Variants in RNF43 observed in about 807,000 individuals in gnomAD.
The protein encoded by RNF43 is E3 ubiquitin-protein ligase RNF43.
Under a neutral mutation model 78.4 loss-of-function variants are expected in RNF43, and 37 were observed. The observed-to-expected ratio is 0.47, with a 90% CI of 0.36 to 0.62. RNF43 has a LOEUF of 0.62. RNF43 is among the 20% of genes least tolerant of loss of function. The pLI, the probability that RNF43 is intolerant of heterozygous loss-of-function variation, is 0.00. For synonymous variants in RNF43, 347 were observed against 395.0 expected, an observed-to-expected ratio of 0.88 and a Z score of 1.44; for missense variants, 774 against 1,007.9, an observed-to-expected ratio of 0.77 and a Z score of 3.14.
chr17:58,390,906 T>C (rs1420900730), intron 2 of RNF43, among the ~76,000 whole-genome samples: 1 of 152,246 alleles, frequency 6.6e-6, no homozygotes, highest in Non-Finnish European at 1.5e-5. Flanking sequence ...ACTGCTGTTC[T>C]TTCTCATTGT....
intron 2 of RNF43, among the ~76,000 whole-genome samples, chr17:58,374,276 C>T (rs1567882208): frequency 1.3e-5 from 2 of 152,106 alleles, no homozygotes; most frequent in Non-Finnish European, 2.9e-5. Flanking sequence ...ATGATACCTT[C>T]CCCGAACTCA....
rs1489447735 is a variant in RNF43, at chr17:58,357,940, G to A, written c.1836C>T (p.Asn612=). ...NSAAPSGRLS[N]PQCPRALPEP... is the part of the protein sequence containing the mutation. Reference sequence around the variant, plus strand: ...CAGGGAGGGCCCTGGGGCACTGTGGGTTAGAGAGCCGCCCCGAAGGGGCTG... The same window carrying A: ...CAGGGAGGGCCCTGGGGCACTGTGGATTAGAGAGCCGCCCCGAAGGGGCTG... Residue 612 remains asparagine (N), a synonymous_variant, in exon 9 of 10, where the codon AAC becomes AAT. Coordinates refer to ENST00000407977, the MANE Select transcript of RNF43 (RefSeq NM_017763.6). The surrounding 1 kb of genome is among the most constrained non-coding windows in gnomAD (Gnocchi z 4.5). 2 of 1,612,712 alleles carry A rather than the reference G, an allele frequency of 1.2e-6. No individual in the cohort carries two copies. Among genetic ancestry groups the A allele is most frequent in the Non-Finnish European group, 1.7e-6 (2 of 1,179,476 alleles).
At chr17:58,409,264 AG>A (rs1294436063) in intron 2 of RNF43, among the ~76,000 whole-genome samples, 3 of 152,172 alleles carry the variant, frequency 2.0e-5, no homozygotes, top group African/African-American at 7.2e-5. Flanking sequence ...ACGTGGCTCC[AG>A]GTATTGCAAA....
intron 2 of RNF43, among the ~76,000 whole-genome samples, chr17:58,412,215 G>C (rs1172734436): frequency 6.6e-6 from 1 of 152,048 alleles, no homozygotes; most frequent in Non-Finnish European, 1.5e-5. Flanking sequence ...GGAAACCTAA[G>C]AATTAGATAC....
rs1036337732 is a variant in RNF43, at chr17:58,358,993, C to T, written c.953-170G>A. Among the ~76,000 whole-genome samples, 1 of 152,194 alleles carries T rather than the reference C, an allele frequency of 6.6e-6. No homozygotes were observed. The highest frequency in any genetic ancestry group is 1.5e-5 in the Non-Finnish European group (1 of 68,030). On this transcript the variant is annotated intron_variant, in intron 8 of 9. Transcript: ENST00000407977. The surrounding 1 kb of genome is among the most constrained non-coding windows in gnomAD (Gnocchi z 6.2). ...GCCTGTGCTCTGGGACTCCTTTGTT[C>T]CCTCCAGTCAGGTTGCCTGCCCTGG...
intron 2 of RNF43, among the ~76,000 whole-genome samples, chr17:58,391,752 T>C (rs2526369): frequency 0.85 from 128,696 of 152,120 alleles, 54,764 homozygotes; most frequent in East Asian, 1. Flanking sequence ...AAGCACCTCA[T>C]AGAGATGCCG....
In RNF43 at chr17:58,354,990, T is replaced by C. The variant is rs897756969; in HGVS notation, c.2309-4A>G. 1 of 1,613,688 alleles carries C rather than the reference T, an allele frequency of 6.2e-7. No individual in the cohort carries two copies. The highest frequency in any genetic ancestry group is 8.5e-7 in the Non-Finnish European group (1 of 1,179,786). On this transcript the variant is annotated splice_polypyrimidine_tract_variant and splice_region_variant and intron_variant, in intron 9 of 9. Coordinates refer to ENST00000407977, the MANE Select transcript of RNF43 (RefSeq NM_017763.6). ...TCCTCGAGTTCCTCCTCTGAGCCTGTATTTAGAGAGCGGGGAGGAAAGAGG... is the reference window on the plus strand; with the variant it reads ...TCCTCGAGTTCCTCCTCTGAGCCTGCATTTAGAGAGCGGGGAGGAAAGAGG...
chr17:58,370,336 G>A (rs373777636), intron 3 of RNF43, among the ~76,000 whole-genome samples: 3 of 152,120 alleles, frequency 2.0e-5, no homozygotes, highest in East Asian at 3.9e-4. Flanking sequence ...CCAAAGTGCT[G>A]GGATTATAGG....
At position 58,358,094 on chromosome 17, in the gene RNF43, C is replaced by A. The variant is rs553934414; in HGVS notation, c.1682G>T (p.Arg561Leu). 2 of 1,609,052 alleles carry A rather than the reference C, an allele frequency of 1.2e-6. No homozygotes were observed. The highest frequency in any genetic ancestry group is 1.7e-6 in the Non-Finnish European group (2 of 1,177,536). ...HRHRHHHYKK[R>L]FQWHGRKPGP... is the part of the protein sequence containing the mutation. Reference sequence around the variant, plus strand: ...AGGCTTCCTGCCATGCCACTGGAACCGCTTTTTGTAGTGGTGGTGCCGGTG... The same window carrying A: ...AGGCTTCCTGCCATGCCACTGGAACAGCTTTTTGTAGTGGTGGTGCCGGTG... Residue 561 changes from arginine (R) to leucine (L), a missense_variant, in exon 9 of 10, where the codon CGG becomes CTG. Coordinates refer to ENST00000407977, the MANE Select transcript of RNF43 (RefSeq NM_017763.6). The surrounding 1 kb of genome is among the most constrained non-coding windows in gnomAD (Gnocchi z 6.2).
chr17:58,377,464 C>T (rs929242359), intron 2 of RNF43, among the ~76,000 whole-genome samples: 1 of 152,148 alleles, frequency 6.6e-6, no homozygotes, highest in African/African-American at 2.4e-5. Context: ...CCCCACTGAA[C>T]AAGCTCTTCC....
chr17:58,382,150 A>G (rs1053326943), intron 2 of RNF43, among the ~76,000 whole-genome samples: 11 of 152,180 alleles, frequency 7.2e-5, no homozygotes, highest in Non-Finnish European at 1.0e-4. Flanking sequence ...TCAATGCTGC[A>G]TTGTGACCCA....
At chr17:58,355,737 C>T (rs142714492) in intron 9 of RNF43, among the ~76,000 whole-genome samples, 2 of 152,186 alleles carry the variant, frequency 1.3e-5, no homozygotes, top group East Asian at 1.9e-4. Context: ...AGGCAGATGA[C>T]GCTGGCAGCA....
At chr17:58,369,717 T>C (rs927752019) in intron 3 of RNF43, among the ~76,000 whole-genome samples, 18 of 152,230 alleles carry the variant, frequency 1.2e-4, no homozygotes, top group African/African-American at 4.1e-4. Context: ...GCAAGTTACC[T>C]GACTTTTCTG....
chr17:58,357,492 A>G lies in RNF43; in HGVS notation c.2284T>C (p.Cys762Arg), dbSNP rs759480914. 8.1e-6 allele frequency: 13 copies of G among 1,614,212 alleles called. No individual in the cohort carries two copies. The highest frequency in any genetic ancestry group is 1.7e-5 in the Admixed American group (1 of 60,024). The change falls in exon 9 of 10, where the codon TGC becomes CGC. Residue 762 changes from cysteine (C) to arginine (R), a missense_variant. By Grantham distance (180) the Cys-to-Arg change is radical (BLOSUM62 -3). Transcript: ENST00000407977. The surrounding 1 kb of genome is among the most constrained non-coding windows in gnomAD (Gnocchi z 4.5). ...CCAGGCTGGGCCGACAGCACCTGGC[A>G]GTGCGGATAAGGGCATGGCCTGCCC... ...AEGRPCPYPH[C>R]QVLSAQPGSE...
At chr17:58,407,518 T>C (rs1455395812) in intron 2 of RNF43, among the ~76,000 whole-genome samples, 1 of 152,198 alleles carries the variant, frequency 6.6e-6, no homozygotes, top group Non-Finnish European at 1.5e-5. Flanking sequence ...AATTTGTAAA[T>C]TAAACACAGA....
intron 3 of RNF43, among the ~76,000 whole-genome samples, chr17:58,367,857 G>A (rs1219101043): frequency 6.6e-6 from 1 of 152,218 alleles, no homozygotes; most frequent in Non-Finnish European, 1.5e-5. Context: ...TGATGCCAGT[G>A]ATGATGATAG....
Position 58,357,496 on chromosome 17 carries a change from C to T in RNF43, c.2280G>A (p.Pro760=), listed in dbSNP as rs61746279. 25,815 of 1,614,206 alleles carry T rather than the reference C, an allele frequency of 0.016. 272 individuals are homozygous for T. The highest frequency in any genetic ancestry group is 0.018 in the Non-Finnish European group (21,477 of 1,180,038). ...DTAEGRPCPY[P]HCQVLSAQPG... is the part of the protein sequence containing the mutation. The stretch of plus-strand genomic sequence containing the variant: ...GCTGGGCCGACAGCACCTGGCAGTG[C>T]GGATAAGGGCATGGCCTGCCCTCTG... Residue 760 remains proline, a synonymous_variant, in exon 9 of 10, where the codon CCG becomes CCA. Transcript: ENST00000407977. This position sits in a 1 kb window ranked among gnomAD's most constrained non-coding sequence, Gnocchi z 4.5.
intron 3 of RNF43, among the ~76,000 whole-genome samples, chr17:58,366,301 G>C (rs1210938732): frequency 6.6e-6 from 1 of 152,170 alleles, no homozygotes; most frequent in Non-Finnish European, 1.5e-5. Flanking sequence ...TAAAAGTGAG[G>C]CTGCTTACTT....
rs139648615 is a variant in RNF43, at chr17:58,415,226, A to C, written c.252+100T>G. ...TACTCTTTCTATGAAATAGAAAGCT[A>C]AGCAGTAGAAGCCCGTGTATGGTAT... is the stretch of plus-strand genomic sequence containing the variant. On this transcript the variant is annotated intron_variant, in intron 2 of 9. Coordinates refer to ENST00000407977, the MANE Select transcript of RNF43 (RefSeq NM_017763.6). 5 of 1,248,180 alleles carry C rather than the reference A, an allele frequency of 4.0e-6. No homozygotes were observed. The African/African-American group carries it at 5.9e-5, about 15-fold the overall frequency. The allele number at this position is 1,248,180 out of a possible 1,614,324, so 77.3% of individuals were successfully genotyped here.
Sources: gnomAD v4.1 joint callset for allele counts (sites outside exome capture counted in the v4.1 genomes callset) on GRCh38, gnomAD v4.1.1 for gene constraint, Gnocchi (gnomAD v3.1) non-coding constraint, MANE v1.5 for transcripts, NCBI Gene and HGNC (gene_info 2026-07-23, HGNC 2026-07-21) for gene names.